CREB5: variants seen among roughly 807,000 people sequenced by gnomAD.
The protein encoded by CREB5 is cyclic AMP-responsive element-binding protein 5.
In CREB5, 19 loss-of-function variants were observed where a neutral mutation model predicts 57.1. The ratio of observed to expected loss-of-function variants is 0.33; its 90% CI spans 0.23 to 0.49. The LOEUF (loss-of-function observed/expected upper bound fraction) is 0.49. Among genes scored for constraint, CREB5 ranks in the 20% least tolerant of loss-of-function variants. CREB5 has a pLI of 0.99. For missense variants in CREB5, 579 were observed against 671.6 expected (o/e 0.86, Z 1.52); for synonymous variants, 238 against 238.3 (o/e 1.00, Z 0.01).
rs77389881 is a variant in CREB5, at chr7:28,564,431, C to T, written c.292-5934C>T. 4.1e-4 allele frequency among the ~76,000 whole-genome samples: 62 copies of T among 152,306 alleles called. No individual in the cohort carries two copies. The East Asian group carries it at 7.1e-3, about 18-fold the overall frequency. Reference sequence around the variant, plus strand: ...GAAATTATAGTTATTTTTAAAAACACGGATGTATGTTTATGTGCATCAGAT... The same window carrying T: ...GAAATTATAGTTATTTTTAAAAACATGGATGTATGTTTATGTGCATCAGAT... On this transcript the variant is annotated intron_variant, in intron 4 of 10. Transcript: ENST00000357727.
chr7:28,709,906 G>T (rs1802319145), intron 5 of CREB5, among the ~76,000 whole-genome samples: 1 of 152,226 alleles, frequency 6.6e-6, no homozygotes, highest in Non-Finnish European at 1.5e-5. Flanking sequence ...GTTGACCACA[G>T]TGTGGGTGTA....
chr7:28,724,107 C>A, intron 6 of CREB5, 115 bp from the exon 7 acceptor site: 1 of 856,084 alleles, frequency 1.2e-6, no homozygotes, highest in Non-Finnish European at 1.8e-6. Context: ...CATAGGCCTT[C>A]TCAGGATTTC....
At chr7:28,382,678 C>A (rs1261949771) in intron 1 of CREB5, among the ~76,000 whole-genome samples, 2 of 151,998 alleles carry the variant, frequency 1.3e-5, no homozygotes, top group Non-Finnish European at 1.5e-5. Flanking sequence ...CCGGTTGGTG[C>A]TCTCACAGTA....
chr7:28,614,759 TA>T (rs1335451488), intron 5 of CREB5, among the ~76,000 whole-genome samples: 13 of 152,178 alleles, frequency 8.5e-5, no homozygotes, highest in Admixed American at 2.0e-4. Flanking sequence ...AAGGTTAGGC[TA>T]ATGTCCCCAT....
In CREB5 at chr7:28,804,263, G is replaced by T. The variant is rs757678260; in HGVS notation, c.767G>T (p.Gly256Val). 1 of 1,614,054 alleles carries T rather than the reference G, an allele frequency of 6.2e-7. No individual in the cohort carries two copies. The highest frequency in any genetic ancestry group is 1.3e-5 in the African/African-American group (1 of 74,982). Reference sequence around the variant, plus strand: ...TCAAATGGGAACATGAACACCATGGGACACATGATGGAGATGATGGGCTCC... The same window carrying T: ...TCAAATGGGAACATGAACACCATGGTACACATGATGGAGATGATGGGCTCC... Reference protein sequence around the residue: ...AMSNGNMNTMGHMMEMMGSRQ... With the variant: ...AMSNGNMNTMVHMMEMMGSRQ... The change falls in exon 8 of 11, where the codon GGA (glycine) becomes GTA (valine). Residue 256 changes from glycine to valine, a missense_variant. This residue lies in a region of CREB5 where 459 missense variants were observed against 515.7 expected (regional missense o/e 0.89). Coordinates refer to ENST00000357727, the MANE Select transcript of CREB5 (RefSeq NM_182898.4).
intron 5 of CREB5, among the ~76,000 whole-genome samples, chr7:28,686,377 C>T (rs1347781491): frequency 1.3e-5 from 2 of 152,018 alleles, no homozygotes; most frequent in Non-Finnish European, 2.9e-5. Context: ...CCCCTCCGCT[C>T]CTCTTCTTGC....
chr7:28,531,813 G>A (rs1793743295), intron 4 of CREB5, among the ~76,000 whole-genome samples: 1 of 151,954 alleles, frequency 6.6e-6, no homozygotes, highest in Admixed American at 6.6e-5. Flanking sequence ...GGCAGATCAC[G>A]AGGTCAGGAG....
At position 28,471,680 on chromosome 7, in the gene CREB5, G is replaced by A. The variant is rs1021112701; in HGVS notation, c.4-16495G>A. Among the ~76,000 whole-genome samples, 4 of 152,126 alleles carry A rather than the reference G, an allele frequency of 2.6e-5. No individual in the cohort carries two copies. The South Asian group carries it at 8.3e-4, about 32-fold the overall frequency. ...AAAGAACCTTAGACGTTTGTCCAAG[G>A]TAAAACAAATGATCATCTGCAGAGT... On this transcript the variant is annotated intron_variant, in intron 1 of 10. Transcript: ENST00000357727.
rs533562079 is a variant in CREB5 at position 28,497,684 on chromosome 7, A to T, written c.169+2685A>T. On this transcript the variant is annotated intron_variant, in intron 3 of 10. Transcript: ENST00000357727. ...ATACAGTCTGGTTCAATTTCTTTGC[A>T]CTTAGAGAACTCTGTGTAATATACC... Among the ~76,000 whole-genome samples the T allele has an allele frequency of 2.0e-5, 3 of 152,310 alleles. No individual in the cohort carries two copies. The South Asian group carries it at 6.2e-4, about 32-fold the overall frequency.
chr7:28,761,173 T>C (rs1215378726), intron 7 of CREB5, among the ~76,000 whole-genome samples: 1 of 152,078 alleles, frequency 6.6e-6, no homozygotes, highest in Non-Finnish European at 1.5e-5. Flanking sequence ...TATCCAGAAA[T>C]TGTAAATAAA....
chr7:28,783,370 C>T (rs1383909819), intron 7 of CREB5, among the ~76,000 whole-genome samples: 1 of 152,056 alleles, frequency 6.6e-6, no homozygotes, highest in East Asian at 1.9e-4. Flanking sequence ...TTTTTGTCCA[C>T]AATGTCACTT....
chr7:28,812,253 G>A (rs1489910480), intron 9 of CREB5, among the ~76,000 whole-genome samples: 1 of 152,202 alleles, frequency 6.6e-6, no homozygotes, highest in Non-Finnish European at 1.5e-5. Context: ...ATGAGTCTTT[G>A]CAGAATTCCT....
intron 1 of CREB5, among the ~76,000 whole-genome samples, chr7:28,434,535 A>G (rs867247738): frequency 2.0e-5 from 3 of 152,292 alleles, no homozygotes; most frequent in African/African-American, 7.2e-5. Flanking sequence ...AAGAAGAGAC[A>G]ATACAGAAAA....
chr7:28,321,705 A>G (rs1466745025), intron 1 of CREB5, among the ~76,000 whole-genome samples: 1 of 152,128 alleles, frequency 6.6e-6, no homozygotes, highest in Admixed American at 6.5e-5. Flanking sequence ...TGAGTGGGGG[A>G]CTGCACAGGA....
chr7:28,758,692 G>T (rs1229966566), intron 7 of CREB5, among the ~76,000 whole-genome samples: 1 of 152,178 alleles, frequency 6.6e-6, no homozygotes, highest in African/African-American at 2.4e-5. Flanking sequence ...GAAACGTGTG[G>T]TTCTTTAAAG....
chr7:28,608,123 TCACACACACA>T (rs1200162382), intron 5 of CREB5, among the ~76,000 whole-genome samples: 5,182 of 68,500 alleles, frequency 0.076, 314 homozygotes, highest in African/African-American at 0.18. Context: ...TCACACACAC[TCACACACACA>T]CACACACACA....
intron 5 of CREB5, among the ~76,000 whole-genome samples, chr7:28,702,682 A>G (rs1194207200): frequency 6.6e-6 from 1 of 152,234 alleles, no homozygotes; most frequent in Non-Finnish European, 1.5e-5. Flanking sequence ...AATCACAGAG[A>G]TGGATACTAA....
At chr7:28,762,693 T>TC (rs995045591) in intron 7 of CREB5, among the ~76,000 whole-genome samples, 2 of 151,688 alleles carry the variant, frequency 1.3e-5, no homozygotes, top group African/African-American at 4.8e-5. Flanking sequence ...AGCAAAATAG[T>TC]CATCTGTCCT....
intron 1 of CREB5, among the ~76,000 whole-genome samples, chr7:28,389,016 C>T (rs193248206): frequency 4.6e-5 from 7 of 152,216 alleles, no homozygotes; most frequent in East Asian, 1.9e-4. Context: ...AGTTTGAAGC[C>T]GAACCACTAA....
Sources: gnomAD v4.1 joint callset for allele counts (sites outside exome capture counted in the v4.1 genomes callset) on GRCh38, gnomAD v4.1.1 for gene constraint, gnomAD v4.1.1 regional missense constraint, MANE v1.5 for transcripts, NCBI Gene and HGNC (gene_info 2026-07-23, HGNC 2026-07-21) for gene names.